LMBR1: variants seen among roughly 807,000 people sequenced by gnomAD.
The protein encoded by LMBR1 is limb region 1 protein homolog.
In LMBR1, 52 loss-of-function variants were observed where a neutral mutation model predicts 73.9. The observed-to-expected ratio is 0.70, with a 90% CI of 0.56 to 0.89. The LOEUF (loss-of-function observed/expected upper bound fraction) is 0.89. LMBR1 is among the 40% of genes least tolerant of loss of function. LMBR1 has a pLI of 0.00. For missense variants in LMBR1, 539 were observed against 579.8 expected, an observed-to-expected ratio of 0.93 and a Z score of 0.72; for synonymous variants, 215 against 209.4, an observed-to-expected ratio of 1.03 and a Z score of -0.23.
chr7:156,688,896 A>T (rs141304703), intron 15 of LMBR1, among the ~76,000 whole-genome samples: 27 of 152,254 alleles, frequency 1.8e-4, no homozygotes, highest in African/African-American at 6.5e-4. Context: ...TCTTATACAC[A>T]CTTAATATGT....
At chr7:156,770,604 C>T (rs1824996330) in intron 5 of LMBR1, among the ~76,000 whole-genome samples, 1 of 151,992 alleles carries the variant, frequency 6.6e-6, no homozygotes, top group African/African-American at 2.4e-5. Context: ...AAAATAAATC[C>T]TAGCAAACCA....
intron 4 of LMBR1, among the ~76,000 whole-genome samples, chr7:156,801,282 T>C (rs1403057051): frequency 6.6e-6 from 1 of 152,158 alleles, no homozygotes; most frequent in African/African-American, 2.4e-5. Context: ...AGGCAAGACC[T>C]CCACCAGCAA....
At chr7:156,768,260 G>A (rs574722111) in intron 5 of LMBR1, among the ~76,000 whole-genome samples, 142 of 152,064 alleles carry the variant, frequency 9.3e-4, no homozygotes, top group African/African-American at 3.2e-3. Context: ...GGGAGGCTGA[G>A]GCAGGAGAAT....
chr7:156,758,604 A>G (rs1419150346), intron 8 of LMBR1, among the ~76,000 whole-genome samples: 2 of 152,170 alleles, frequency 1.3e-5, no homozygotes, highest in Non-Finnish European at 2.9e-5. Context: ...GTTGTTTAAA[A>G]GAGTATGGAC....
At chr7:156,743,648 T>A (rs962993462) in intron 9 of LMBR1, among the ~76,000 whole-genome samples, 1 of 152,230 alleles carries the variant, frequency 6.6e-6, no homozygotes, top group African/African-American at 2.4e-5. Context: ...TTGTTCTTTA[T>A]TTCTTCATTT....
chr7:156,833,027 T>C (rs578008084), intron 3 of LMBR1, among the ~76,000 whole-genome samples: 1 of 152,314 alleles, frequency 6.6e-6, no homozygotes, highest in African/African-American at 2.4e-5. Context: ...GATACATAGG[T>C]AGAATGCACT....
intron 4 of LMBR1, among the ~76,000 whole-genome samples, chr7:156,806,024 G>A (rs1484836760): frequency 6.6e-6 from 1 of 152,132 alleles, no homozygotes; most frequent in Non-Finnish European, 1.5e-5. Flanking sequence ...GGGACTTTCA[G>A]CCTCCAGAAC....
chr7:156,753,576 T>C (rs1373454426), intron 9 of LMBR1, among the ~76,000 whole-genome samples: 2 of 151,878 alleles, frequency 1.3e-5, no homozygotes, highest in Admixed American at 6.6e-5. Context: ...TTTCAGAAGC[T>C]AGAGGAAAGT....
Position 156,683,962 on chromosome 7 carries a change from G to C in LMBR1, c.*116C>G. On this transcript the variant is annotated 3_prime_UTR_variant, in exon 17 of 17. Coordinates refer to ENST00000353442, the MANE Select transcript of LMBR1 (RefSeq NM_022458.4). ...TTATGAAAAAAAAATGGCACTGATA[G>C]GTCTAGGTTCTGAAGAGGGGCCACG... is the stretch of plus-strand genomic sequence containing the variant. 2 of 789,852 alleles carry C rather than the reference G, an allele frequency of 2.5e-6. No individual in the cohort carries two copies. Among genetic ancestry groups the C allele is most frequent in the Non-Finnish European group, 2.1e-6 (1 of 470,890 alleles). The allele number at this position is 789,852 out of a possible 1,614,324, so 48.9% of individuals were successfully genotyped here. A position where few individuals can be genotyped will look rare whatever the true frequency, so the allele number is the denominator to read the frequency against.
At chr7:156,684,402 G>A (rs541236815) in intron 16 of LMBR1, among the ~76,000 whole-genome samples, 10 of 152,244 alleles carry the variant, frequency 6.6e-5, no homozygotes, top group East Asian at 5.8e-4. Flanking sequence ...AGGACAGCAC[G>A]TGAGGGTCCT....
intron 1 of LMBR1, among the ~76,000 whole-genome samples, chr7:156,837,400 A>C (rs1837854727): frequency 2.0e-5 from 3 of 151,364 alleles, no homozygotes; most frequent in South Asian, 4.2e-4. Flanking sequence ...AGCCCCATTT[A>C]ATACCATTTG....
chr7:156,766,643 G>A (rs58547611), intron 5 of LMBR1, among the ~76,000 whole-genome samples: 16,138 of 152,162 alleles, frequency 0.11, 906 homozygotes, highest in East Asian at 0.15. Context: ...TGGCTTAAGG[G>A]ATATGAGAAG....
chr7:156,770,784 C>T (rs1047215992), intron 5 of LMBR1, among the ~76,000 whole-genome samples: 8 of 152,026 alleles, frequency 5.3e-5, no homozygotes, highest in Non-Finnish European at 2.9e-5. Flanking sequence ...CATGGAAGCA[C>T]ACACCTGTAG....
In LMBR1 at chr7:156,728,000, G is replaced by A. The variant is rs1816107259; in HGVS notation, c.923C>T (p.Ser308Leu). 3.7e-6 allele frequency: 6 copies of A among 1,612,054 alleles called. No individual in the cohort carries two copies. The highest frequency in any genetic ancestry group is 5.1e-6 in the Non-Finnish European group (6 of 1,178,784). ...AATATTACAAGCCACCAAGAGGACC[G>A]AGATGGACTACAAGACAAACAGCAA... is the stretch of plus-strand genomic sequence containing the variant. ...MVLLLIETSI[S>L]VLLVACNILC... Residue 308 changes from serine (S) to leucine (L), a missense_variant, in exon 12 of 17, where the codon TCG (serine) becomes TTG (leucine). Physicochemically the swap from Ser to Leu is moderately radical, Grantham distance 145. This residue lies in a region of LMBR1 where 454 missense variants were observed against 473.4 expected (regional missense o/e 0.96). Transcript: ENST00000353442.
At chr7:156,887,668 T>C (rs1032022716) in intron 1 of LMBR1, among the ~76,000 whole-genome samples, 3 of 152,020 alleles carry the variant, frequency 2.0e-5, no homozygotes, top group South Asian at 4.1e-4. Flanking sequence ...AATAGATCAA[T>C]TGGACTACAA....
intron 9 of LMBR1, among the ~76,000 whole-genome samples, chr7:156,737,201 C>T (rs1380825974): frequency 6.6e-6 from 1 of 152,158 alleles, no homozygotes; most frequent in Non-Finnish European, 1.5e-5. Flanking sequence ...TTTGCTCTTA[C>T]ATTATAGTTT....
chr7:156,682,806 TCATA>T lies in LMBR1; in HGVS notation c.*1268_*1271del, dbSNP rs1422577793. The T allele has an allele frequency of 6.6e-6, 1 of 152,230 alleles. No individual in the cohort carries two copies. The highest frequency in any genetic ancestry group is 1.5e-5 in the Non-Finnish European group (1 of 68,048). The allele number at this position is 152,230 out of a possible 1,614,324, so 9.4% of individuals were successfully genotyped here. A position where few individuals can be genotyped will look rare whatever the true frequency, so the allele number is the denominator to read the frequency against. On this transcript the variant is annotated 3_prime_UTR_variant, in exon 17 of 17. Transcript: ENST00000353442. ...TTGTCTGAACACAGACCATCTATTTTCATACACACAGTGCATGTGAACATATTTA... is the reference window on the plus strand; with the variant it reads ...TTGTCTGAACACAGACCATCTATTTTCACACAGTGCATGTGAACATATTTA...
intron 1 of LMBR1, among the ~76,000 whole-genome samples, chr7:156,848,016 T>C (rs1342144553): frequency 6.6e-6 from 1 of 151,634 alleles, no homozygotes; most frequent in Non-Finnish European, 1.5e-5. Flanking sequence ...GGAATCAAGA[T>C]ATCCTTCAAT....
intron 4 of LMBR1, among the ~76,000 whole-genome samples, chr7:156,806,903 C>T (rs533860138): frequency 6.6e-6 from 1 of 152,144 alleles, no homozygotes; most frequent in Non-Finnish European, 1.5e-5. Context: ...TGAGCCACTA[C>T]GCCCAGCCTG....
Sources: gnomAD v4.1 joint callset for allele counts (sites outside exome capture counted in the v4.1 genomes callset) on GRCh38, gnomAD v4.1.1 for gene constraint, gnomAD v4.1.1 regional missense constraint, MANE v1.5 for transcripts, NCBI Gene and HGNC (gene_info 2026-07-23, HGNC 2026-07-21) for gene names.